The following CXXC5 variants were observed in gnomAD, a reference collection of about 807,000 sequenced individuals.
CXXC5 encodes the protein CXXC-type zinc finger protein 5.
A neutral mutation model predicts 17.6 loss-of-function variants in CXXC5; 2 were observed. The ratio of observed to expected loss-of-function variants is 0.11; its 90% CI spans 0.05 to 0.36. The LOEUF is 0.36. CXXC5 is among the 10% of genes least tolerant of loss of function. CXXC5 has a pLI of 1.00. For synonymous variants in CXXC5, 171 were observed against 193.0 expected (o/e 0.89, Z 0.94); for missense variants, 343 against 458.3 (o/e 0.75, Z 2.30).
chr5:139,677,350 G>C (rs1174872671), intron 1 of CXXC5, among the ~76,000 whole-genome samples: 1 of 152,144 alleles, frequency 6.6e-6, no homozygotes, highest in Non-Finnish European at 1.5e-5. Context: ...GTGCCCTAGA[G>C]TAGAAGACTG....
At position 139,680,849 on chromosome 5, in the gene CXXC5, C is replaced by T. The variant is rs867685359; in HGVS notation, c.326C>T (p.Ala109Val). Residue 109 changes from alanine (A) to valine (V), a missense_variant, in exon 2 of 3, where the codon GCA becomes GTA. This residue lies in a region of CXXC5 where 297 missense variants were observed against 363.4 expected (regional missense o/e 0.82). Transcript: ENST00000302517. ...GESADKATAA[A>V]AAASLLANGH... Reference sequence around the variant, plus strand: ...TCTGCTGACAAGGCCACTGCGGCTGCAGCCGCTGCCTCCCTGTTGGCCAAT... The same window carrying T: ...TCTGCTGACAAGGCCACTGCGGCTGTAGCCGCTGCCTCCCTGTTGGCCAAT... The T allele has an allele frequency of 1.9e-6, 3 of 1,610,614 alleles. No individual in the cohort carries two copies. The highest frequency in any genetic ancestry group is 1.6e-4 in the Middle Eastern group (1 of 6,062).
rs1429654166 is a variant in CXXC5, at chr5:139,661,108, C to T, written c.-161+12263C>T. ...ATGCTCTTCCCCATGCTGCAGCCTC[C>T]CCTTTTCAGAGGCCTGGGGAAGCAG... On this transcript the variant is annotated intron_variant, in intron 1 of 2. Transcript: ENST00000302517. This position sits in a 1 kb window ranked among gnomAD's most constrained non-coding sequence, Gnocchi z 4.7. Among the ~76,000 whole-genome samples the T allele has an allele frequency of 1.3e-5, 2 of 152,186 alleles. No individual in the cohort carries two copies. Among genetic ancestry groups the T allele is most frequent in the African/African-American group, 2.4e-5 (1 of 41,440 alleles).
intron 1 of CXXC5, chr5:139,659,746 C>G (rs2126760082): frequency 6.6e-6 from 1 of 152,346 alleles, no homozygotes; most frequent in African/African-American, 2.4e-5. Context: ...CCTGGGCTGG[C>G]TCTCAGTGGC....
intron 1 of CXXC5, among the ~76,000 whole-genome samples, chr5:139,672,768 G>A (rs1334441426): frequency 6.6e-6 from 1 of 152,160 alleles, no homozygotes; most frequent in East Asian, 1.9e-4. Context: ...ATGGGAAACT[G>A]AGGCTTAGTG....
At chr5:139,647,801 G>A (rs983234342), upstream of CXXC5, 1 of 152,096 alleles carries the variant, frequency 6.6e-6, no homozygotes, top group Non-Finnish European at 1.5e-5. Context: ...TTTCTCCCGG[G>A]GCCCTAGTGC....
chr5:139,681,460 TAGAG>T lies in CXXC5; in HGVS notation c.924+14_924+17del. 6.5e-7 allele frequency: 1 copy of T among 1,545,580 alleles called. No individual in the cohort carries two copies. The highest frequency in any genetic ancestry group is 8.7e-7 in the Non-Finnish European group (1 of 1,143,344). On this transcript the variant is annotated intron_variant, in intron 2 of 2. Coordinates refer to ENST00000302517, the MANE Select transcript of CXXC5 (RefSeq NM_016463.9). ...CGCTGCTCTGGAGGTAACGGCGCCT[TAGAG>T]GGAGGTGTGTGGGCTCTTGTGTCTG... is the stretch of plus-strand genomic sequence containing the variant.
intron 1 of CXXC5, among the ~76,000 whole-genome samples, chr5:139,657,695 C>T (rs1273964806): frequency 6.6e-6 from 1 of 152,218 alleles, no homozygotes; most frequent in Non-Finnish European, 1.5e-5. Context: ...ACAATTTTTC[C>T]ATCTGTCAGA....
chr5:139,682,883 AGCC>A lies in CXXC5; in HGVS notation c.949_951del (p.Ala317del), dbSNP rs780659954. The A allele has an allele frequency of 1.9e-6, 3 of 1,595,166 alleles. No individual in the cohort carries two copies. The South Asian group carries it at 3.4e-5, about 18-fold the overall frequency. ...GCCAGAAGGTGATGCTTCCGACGGG[AGCC>A]GCCTTCCGGTGGTTTCAGTGACGGC... On this transcript the variant is annotated inframe_deletion, in exon 3 of 3. Transcript: ENST00000302517.
At chr5:139,681,940 C>A (rs2126832028) in intron 2 of CXXC5, among the ~76,000 whole-genome samples, 1 of 152,360 alleles carries the variant, frequency 6.6e-6, no homozygotes, top group South Asian at 2.1e-4. Flanking sequence ...AAGGATAGAG[C>A]TGTTCCAGTG....
upstream of CXXC5, chr5:139,648,127 C>A (rs1361650324): frequency 1.3e-5 from 2 of 150,708 alleles, no homozygotes; most frequent in African/African-American, 4.9e-5. Flanking sequence ...CTGGGTGGAC[C>A]GCGTCAGGGC....
Position 139,658,323 on chromosome 5 carries a change from C to T in CXXC5, c.-161+9478C>T, listed in dbSNP as rs1188641146. Among the ~76,000 whole-genome samples, 1 of 152,178 alleles carries T rather than the reference C, an allele frequency of 6.6e-6. No individual in the cohort carries two copies. Among genetic ancestry groups the T allele is most frequent in the Non-Finnish European group, 1.5e-5 (1 of 68,036 alleles). ...GATTCTCGTTGGGATTCTGGAATCA[C>T]AGAACCATGGATTTTGCTGCTAGAA... On this transcript the variant is annotated intron_variant, in intron 1 of 2. Transcript: ENST00000302517. The surrounding 1 kb of genome is among the most constrained non-coding windows in gnomAD (Gnocchi z 4.1).
At chr5:139,678,707 A>G (rs1757004445) in intron 1 of CXXC5, among the ~76,000 whole-genome samples, 1 of 151,872 alleles carries the variant, frequency 6.6e-6, no homozygotes, top group African/African-American at 2.4e-5. Flanking sequence ...CTCTTGGGAC[A>G]GGCTTGAGTC....
chr5:139,682,443 G>A (rs1326715329), intron 2 of CXXC5, among the ~76,000 whole-genome samples: 4 of 150,380 alleles, frequency 2.7e-5, no homozygotes, highest in East Asian at 2.0e-4. Context: ...AGACACGGCC[G>A]CTTGAGAAAT....
In CXXC5 at chr5:139,668,855, CT is replaced by C. The variant is rs941552707; in HGVS notation, c.-160-11507del. Among the ~76,000 whole-genome samples the C allele has an allele frequency of 1.3e-5, 2 of 152,192 alleles. No homozygotes were observed. The highest frequency in any genetic ancestry group is 4.8e-5 in the African/African-American group (2 of 41,448). Reference sequence around the variant, plus strand: ...TTGGCTTTGCCACAAACACAGTGACCTTATGTAGAGTCCTTAGCCTCGGTTT... The same window carrying C: ...TTGGCTTTGCCACAAACACAGTGACCTATGTAGAGTCCTTAGCCTCGGTTT... On this transcript the variant is annotated intron_variant, in intron 1 of 2. Transcript: ENST00000302517. The surrounding 1 kb of genome is among the most constrained non-coding windows in gnomAD (Gnocchi z 4.1).
chr5:139,664,696 G>A (rs1756003323), intron 1 of CXXC5, among the ~76,000 whole-genome samples: 1 of 152,150 alleles, frequency 6.6e-6, no homozygotes, highest in Non-Finnish European at 1.5e-5. Flanking sequence ...TTTGTGACTG[G>A]TGTTCCAGTC....
At position 139,682,864 on chromosome 5, in the gene CXXC5, A is replaced by G. The variant is rs1326925504; in HGVS notation, c.926A>G (p.Lys309Arg). ...GTTTTTGTCTCCCGCCCCCGCCAGA[A>G]GGTGATGCTTCCGACGGGAGCCGCC... ...LKKKPSAALE[K>R]VMLPTGAAFR... The change falls in exon 3 of 3, where the codon AAG (lysine) becomes AGG (arginine). Residue 309 changes from lysine to arginine, a missense_variant and splice_region_variant. Around this residue, in one of 4 missense-constraint regions of CXXC5, gnomAD observed 23 missense variants for 31.0 expected, o/e 0.74. Coordinates refer to ENST00000302517, the MANE Select transcript of CXXC5 (RefSeq NM_016463.9). 6.3e-7 allele frequency: 1 copy of G among 1,594,794 alleles called. No homozygotes were observed. The highest frequency in any genetic ancestry group is 1.1e-5 in the South Asian group (1 of 88,180).
chr5:139,650,296 TG>T (rs1007555550), intron 1 of CXXC5, among the ~76,000 whole-genome samples: 380 of 151,218 alleles, frequency 2.5e-3, no homozygotes, highest in South Asian at 0.011. Flanking sequence ...CGCCTTCGGA[TG>T]GGGGGGGAGC....
At chr5:139,669,975 C>G (rs1756361493) in intron 1 of CXXC5, among the ~76,000 whole-genome samples, 1 of 152,228 alleles carries the variant, frequency 6.6e-6, no homozygotes, top group Non-Finnish European at 1.5e-5. Flanking sequence ...TGGCTGGGGC[C>G]AGCCTGAGCC....
In CXXC5 at chr5:139,658,296, A is replaced by C. The variant is rs1755601490; in HGVS notation, c.-161+9451A>C. On this transcript the variant is annotated intron_variant, in intron 1 of 2. Coordinates refer to ENST00000302517, the MANE Select transcript of CXXC5 (RefSeq NM_016463.9). This position sits in a 1 kb window ranked among gnomAD's most constrained non-coding sequence, Gnocchi z 4.1. Reference sequence around the variant, plus strand: ...TTGGAATGGAGGCATTTTTCAAGTCAGGATTCTCGTTGGGATTCTGGAATC... The same window carrying C: ...TTGGAATGGAGGCATTTTTCAAGTCCGGATTCTCGTTGGGATTCTGGAATC... Among the ~76,000 whole-genome samples, 2 of 152,222 alleles carry C rather than the reference A, an allele frequency of 1.3e-5. No individual in the cohort carries two copies. The highest frequency in any genetic ancestry group is 4.1e-4 in the South Asian group (2 of 4,830).
Sources: allele counts gnomAD v4.1 joint callset (sites outside exome capture counted in the v4.1 genomes callset), GRCh38; gene constraint gnomAD v4.1.1; regional missense constraint gnomAD v4.1.1; non-coding constraint Gnocchi (gnomAD v3.1); transcripts MANE v1.5; gene names NCBI Gene and HGNC (gene_info 2026-07-23, HGNC 2026-07-21).